CNTNAP5: variants seen among roughly 807,000 people sequenced by gnomAD.
CNTNAP5 encodes the protein contactin associated protein family member 5, also known as contactin-associated protein-like 5.
Under a neutral mutation model 150.2 loss-of-function variants are expected in CNTNAP5, and 72 were observed. The observed-to-expected ratio is 0.48, with a 90% CI of 0.40 to 0.58. The LOEUF is 0.58. Among genes scored for constraint, CNTNAP5 ranks in the 20% least tolerant of loss-of-function variants. The probability of loss-of-function intolerance (pLI) is 0.00; values close to 1 mark genes in which losing one functional copy is unlikely to be tolerated. For synonymous variants in CNTNAP5, 672 were observed against 619.8 expected (o/e 1.08, Z -1.25); for missense variants, 1,636 against 1,626.2 (o/e 1.01, Z -0.10).
intron 6 of CNTNAP5, among the ~76,000 whole-genome samples, chr2:124,449,112 TA>T (rs1692901836): frequency 6.6e-6 from 1 of 152,210 alleles, no homozygotes. Flanking sequence ...CTTTTGATCT[TA>T]ACCTTAGTTT....
At chr2:124,591,442 G>T (rs1007695336) in intron 11 of CNTNAP5, among the ~76,000 whole-genome samples, 2 of 152,020 alleles carry the variant, frequency 1.3e-5, no homozygotes, top group Non-Finnish European at 1.5e-5. Flanking sequence ...CTTTACCAAA[G>T]GTTAAACAAG....
chr2:124,172,291 A>G (rs987530608), intron 1 of CNTNAP5, among the ~76,000 whole-genome samples: 2 of 152,214 alleles, frequency 1.3e-5, no homozygotes, highest in East Asian at 3.8e-4. Flanking sequence ...TGATTATAAA[A>G]GTGAGACGTG....
intron 3 of CNTNAP5, among the ~76,000 whole-genome samples, chr2:124,331,454 C>T (rs79726441): frequency 0.18 from 27,998 of 151,912 alleles, 2,723 homozygotes; most frequent in African/African-American, 0.24. Context: ...TGGCAGTGCT[C>T]TCTATGTATT....
intron 12 of CNTNAP5, among the ~76,000 whole-genome samples, chr2:124,632,906 G>T (rs997430215): frequency 2.0e-5 from 3 of 152,080 alleles, no homozygotes; most frequent in Admixed American, 2.0e-4. Flanking sequence ...GCTGGGGGAA[G>T]AGAGGCAGGC....
intron 1 of CNTNAP5, among the ~76,000 whole-genome samples, chr2:124,165,228 G>C (rs1684783796): frequency 6.6e-6 from 1 of 152,126 alleles, no homozygotes; most frequent in Admixed American, 6.5e-5. Context: ...TTGAATCCCA[G>C]CTTAATTAGT....
At chr2:124,176,842 G>GT (rs71394026) in intron 1 of CNTNAP5, among the ~76,000 whole-genome samples, 1,410 of 119,874 alleles carry the variant, frequency 0.012, 17 homozygotes, top group East Asian at 0.022. Context: ...GTTATTGCTG[G>GT]TTTTTTTTTT....
intron 11 of CNTNAP5, among the ~76,000 whole-genome samples, chr2:124,577,759 T>C (rs1260851900): frequency 6.6e-6 from 1 of 152,160 alleles, no homozygotes; most frequent in African/African-American, 2.4e-5. Flanking sequence ...TGGATAATGC[T>C]GGACTTGAGC....
intron 11 of CNTNAP5, among the ~76,000 whole-genome samples, chr2:124,593,285 C>T (rs867752283): frequency 1.5e-5 from 2 of 129,656 alleles, no homozygotes; most frequent in African/African-American, 3.0e-5. Context: ...TCCCTCCCCC[C>T]TCCCACCTCC....
intron 1 of CNTNAP5, among the ~76,000 whole-genome samples, chr2:124,215,712 CAAAAA>C (rs397985759): frequency 3.7e-5 from 3 of 82,060 alleles, no homozygotes; most frequent in Non-Finnish European, 7.4e-5. Context: ...AGAAGAAAGG[CAAAAA>C]AAAAAAAAAA....
chr2:124,708,323 G>T (rs543669188), intron 13 of CNTNAP5, among the ~76,000 whole-genome samples: 1 of 152,266 alleles, frequency 6.6e-6, no homozygotes, highest in Admixed American at 6.5e-5. Context: ...AGGAAATAGA[G>T]CTGGAGCAGT....
chr2:124,846,333 G>A (rs892782821), intron 19 of CNTNAP5, among the ~76,000 whole-genome samples: 1 of 152,120 alleles, frequency 6.6e-6, no homozygotes, highest in African/African-American at 2.4e-5. Context: ...TTGTCTGTGA[G>A]CTGTGAAGAT....
At chr2:124,297,811 TTATTATTATTATTATTATTA>T (rs1488305171) in intron 3 of CNTNAP5, among the ~76,000 whole-genome samples, 2 of 14,684 alleles carry the variant, frequency 1.4e-4, no homozygotes, top group African/African-American at 4.6e-4. Context: ...ATCCAATTAT[TTATTATTATTATTATTATTA>T]TTATTATTAT....
At chr2:124,297,824 T>G (rs775842621) in intron 3 of CNTNAP5, among the ~76,000 whole-genome samples, 39 of 89,392 alleles carry the variant, frequency 4.4e-4, no homozygotes, top group Non-Finnish European at 7.7e-4. Flanking sequence ...TTATTATTAT[T>G]ATTATTATTA....
intron 3 of CNTNAP5, among the ~76,000 whole-genome samples, chr2:124,350,035 C>T (rs1378904778): frequency 2.6e-5 from 4 of 151,920 alleles, no homozygotes; most frequent in African/African-American, 9.7e-5. Context: ...CAGGCACCCA[C>T]AACCATGCCC....
chr2:124,341,386 T>C (rs1348122942), intron 3 of CNTNAP5, among the ~76,000 whole-genome samples: 3 of 152,080 alleles, frequency 2.0e-5, no homozygotes, highest in Admixed American at 6.5e-5. Context: ...TACCATACTT[T>C]GGGGTATGAT....
intron 1 of CNTNAP5, among the ~76,000 whole-genome samples, chr2:124,175,587 GC>G (rs1221182707): frequency 6.6e-6 from 1 of 152,046 alleles, no homozygotes; most frequent in Non-Finnish European, 1.5e-5. Flanking sequence ...TTCAGCCCTT[GC>G]CCCCACCCAA....
intron 21 of CNTNAP5, among the ~76,000 whole-genome samples, chr2:124,889,467 C>T (rs531841325): frequency 3.9e-5 from 6 of 152,122 alleles, no homozygotes; most frequent in East Asian, 1.9e-4. Flanking sequence ...CATTATTCTA[C>T]GTATGGATAG....
At chr2:124,366,827 C>T (rs892764770) in intron 3 of CNTNAP5, among the ~76,000 whole-genome samples, 2 of 152,118 alleles carry the variant, frequency 1.3e-5, no homozygotes, top group African/African-American at 4.8e-5. Flanking sequence ...CGCTCCTACA[C>T]ATGGGCCAGT....
intron 17 of CNTNAP5, among the ~76,000 whole-genome samples, chr2:124,782,045 G>A (rs983332990): frequency 6.6e-6 from 1 of 152,320 alleles, no homozygotes. Flanking sequence ...GTGTGCATAT[G>A]TAGATGAGGT....
Sources: gnomAD v4.1 joint callset for allele counts (sites outside exome capture counted in the v4.1 genomes callset) on GRCh38, gnomAD v4.1.1 for gene constraint, MANE v1.5 for transcripts, NCBI Gene and HGNC (gene_info 2026-07-23, HGNC 2026-07-21) for gene names.